Variants in ADAM11 observed in about 807,000 individuals in gnomAD.
ADAM11 encodes the protein ADAM metallopeptidase domain 11.
In ADAM11, 49 loss-of-function variants were observed where a neutral mutation model predicts 119.1. That is an observed-to-expected ratio of 0.41 (90% confidence interval 0.33 to 0.52). The LOEUF (loss-of-function observed/expected upper bound fraction) is 0.52. ADAM11 is among the 20% of genes least tolerant of loss of function. ADAM11 has a pLI of 0.20. For missense variants in ADAM11, 777 were observed against 1,047.5 expected (o/e 0.74, Z 3.56); for synonymous variants, 364 against 408.0 (o/e 0.89, Z 1.30).
At chr17:44,760,269 C>T (rs1380918663) in intron 2 of ADAM11, among the ~76,000 whole-genome samples, 1 of 152,202 alleles carries the variant, frequency 6.6e-6, no homozygotes, top group East Asian at 1.9e-4. Flanking sequence ...GCCCAGATTC[C>T]AGTCAGGGAT....
intron 26 of ADAM11, 195 bp downstream of exon 26, chr17:44,779,434 C>G: frequency 2.0e-6 from 2 of 985,418 alleles, no homozygotes; most frequent in Non-Finnish European, 2.4e-6. Context: ...CAGCTGCCCT[C>G]GCCCTCGCCC....
At chr17:44,760,844 T>C (rs912428239) in intron 2 of ADAM11, among the ~76,000 whole-genome samples, 2 of 151,778 alleles carry the variant, frequency 1.3e-5, no homozygotes, top group Non-Finnish European at 2.9e-5. Context: ...CCCTGCCTAA[T>C]GTACTTGGTT....
Position 44,775,787 on chromosome 17 carries a change from C to T in ADAM11, c.1485+111C>T, listed in dbSNP as rs2049593259. 3 of 1,142,728 alleles carry T rather than the reference C, an allele frequency of 2.6e-6. No homozygotes were observed. The highest frequency in any genetic ancestry group is 1.5e-5 in the African/African-American group (1 of 64,584). The allele number at this position is 1,142,728 out of a possible 1,614,324, so 70.8% of individuals were successfully genotyped here. The stretch of plus-strand genomic sequence containing the variant: ...AAGCGGAGCCTTCGGGGACGAAGGC[C>T]TCTGGGGCAGGGCTTGATGCGAAGA... On this transcript the variant is annotated intron_variant, in intron 17 of 26. Coordinates refer to ENST00000200557, the MANE Select transcript of ADAM11 (RefSeq NM_002390.6). This position sits in a 1 kb window ranked among gnomAD's most constrained non-coding sequence, Gnocchi z 7.5.
chr17:44,767,159 GC>G (rs2049460324), intron 2 of ADAM11, among the ~76,000 whole-genome samples: 1 of 152,018 alleles, frequency 6.6e-6, no homozygotes, highest in East Asian at 1.9e-4. Context: ...TTCAAGACAA[GC>G]CTGGCCAAGA....
intron 25 of ADAM11, 64 bp downstream of exon 25, chr17:44,778,306 T>C (rs1282285064): frequency 6.6e-7 from 1 of 1,503,862 alleles, no homozygotes; most frequent in African/African-American, 1.4e-5. Flanking sequence ...TCCCTACTGG[T>C]GGAGCTGAGG....
intron 2 of ADAM11, among the ~76,000 whole-genome samples, chr17:44,767,354 C>CA (rs72428475): frequency 0.24 from 13,341 of 55,640 alleles, 1,426 homozygotes; most frequent in African/African-American, 0.27. Flanking sequence ...GACTCCATCT[C>CA]AAAAAAAAAA....
chr17:44,774,216 G>T, intron 11 of ADAM11, 79 bp from the exon 12 acceptor site: 1 of 911,576 alleles, frequency 1.1e-6, no homozygotes, highest in Non-Finnish European at 1.6e-6. Context: ...TAGTGTGAGG[G>T]GCTCCCCAAG....
chr17:44,775,146 G>C lies in ADAM11; in HGVS notation c.1221-66G>C. 5.9e-6 allele frequency: 8 copies of C among 1,365,160 alleles called. No individual in the cohort carries two copies. Among genetic ancestry groups the C allele is most frequent in the Non-Finnish European group, 8.3e-6 (8 of 961,518 alleles). 84.6% of individuals were successfully genotyped at this position (1,365,160 alleles called of 1,614,324 possible). On this transcript the variant is annotated intron_variant, in intron 14 of 26. Coordinates refer to ENST00000200557, the MANE Select transcript of ADAM11 (RefSeq NM_002390.6). The surrounding 1 kb of genome is among the most constrained non-coding windows in gnomAD (Gnocchi z 7.5). Reference sequence around the variant, plus strand: ...AGTCCCCCAGTGTACCCCCTCCCCAGCCTTGAGAGGGGTGAGGGTGGGTTG... The same window carrying C: ...AGTCCCCCAGTGTACCCCCTCCCCACCCTTGAGAGGGGTGAGGGTGGGTTG...
At chr17:44,767,769 A>C (rs2049468447) in intron 2 of ADAM11, among the ~76,000 whole-genome samples, 1 of 152,200 alleles carries the variant, frequency 6.6e-6, no homozygotes, top group Non-Finnish European at 1.5e-5. Context: ...AGGTGGCAGG[A>C]GGTGGTGGAC....
chr17:44,774,329 G>A lies in ADAM11; in HGVS notation c.1027G>A (p.Ala343Thr). 1 of 1,477,584 alleles carries A rather than the reference G, an allele frequency of 6.8e-7. No homozygotes were observed. Among genetic ancestry groups the A allele is most frequent in the Non-Finnish European group, 9.0e-7 (1 of 1,109,720 alleles). 91.5% of individuals were successfully genotyped at this position (1,477,584 alleles called of 1,614,324 possible). Residue 343 changes from alanine to threonine, a missense_variant, in exon 12 of 27, where the codon GCC becomes ACC. Transcript: ENST00000200557. ...CTTCCAGAGCACGAGCAGCGGGGCAGCCTACGTGGGGGGCATATGCTCCCT... is the reference window on the plus strand; with the variant it reads ...CTTCCAGAGCACGAGCAGCGGGGCAACCTACGTGGGGGGCATATGCTCCCT... ...RTFQSTSSGA[A>T]YVGGICSLSH... is the part of the protein sequence containing the mutation.
Position 44,775,506 on chromosome 17 carries a change from G to T in ADAM11, c.1392+41G>T. 1 of 1,587,408 alleles carries T rather than the reference G, an allele frequency of 6.3e-7. No individual in the cohort carries two copies. The highest frequency in any genetic ancestry group is 8.5e-7 in the Non-Finnish European group (1 of 1,170,430). On this transcript the variant is annotated intron_variant, in intron 16 of 26. Transcript: ENST00000200557. The surrounding 1 kb of genome is among the most constrained non-coding windows in gnomAD (Gnocchi z 7.5). ...GGCGCCAGGTGGGGAACCGGGATGC[G>T]GGGGTGGGCACGAGGGAGCGTCTGA...
At chr17:44,771,910 TCCTCCTCCG>T in intron 6 of ADAM11, 79 bp downstream of exon 6, 2 of 1,492,002 alleles carry the variant, frequency 1.3e-6, no homozygotes, top group Non-Finnish European at 1.8e-6. Context: ...TGCCACCTCT[TCCTCCTCCG>T]GCTCCTCCCT....
In ADAM11 at chr17:44,773,496, C is replaced by T; in HGVS notation, c.992+69C>T. ...CTACAGTGCTTGGGATTACTTAACA[C>T]CTGCCCTGTGCTGGCTGCTCCTCTC... On this transcript the variant is annotated intron_variant, in intron 11 of 26. Transcript: ENST00000200557. The surrounding 1 kb of genome is among the most constrained non-coding windows in gnomAD (Gnocchi z 4.6). The T allele has an allele frequency of 6.4e-7, 1 of 1,551,716 alleles. No homozygotes were observed. Among genetic ancestry groups the T allele is most frequent in the Middle Eastern group, 1.7e-4 (1 of 5,864 alleles).
rs775665490 is a variant in ADAM11, at chr17:44,774,567, C to T, written c.1153C>T (p.His385Tyr). Residue 385 changes from histidine (H) to tyrosine (Y), a missense_variant, in exon 13 of 27, where the codon CAC (histidine) becomes TAC (tyrosine). Physicochemically the swap from His to Tyr is moderately conservative, Grantham distance 83. Around this residue, in one of 4 missense-constraint regions of ADAM11, gnomAD observed 147 missense variants for 223.3 expected, o/e 0.66. Transcript: ENST00000200557. The part of the protein sequence containing the change: ...GQNLGMMWNK[H>Y]RSSAGDCKCP... ...GAACCTGGGCATGATGTGGAACAAA[C>T]ACCGGAGCTCGGCAGGTATCCTCCC... The T allele has an allele frequency of 2.5e-6, 4 of 1,613,270 alleles. No homozygotes were observed. In the South Asian group the frequency reaches 3.3e-5, roughly 13 times the overall value.
chr17:44,759,314 G>T, intron 1 of ADAM11, 54 bp downstream of exon 1: 1 of 1,341,820 alleles, frequency 7.5e-7, no homozygotes, highest in Non-Finnish European at 9.5e-7. Flanking sequence ...GCCCCGGGAT[G>T]TGCGGCGCTT....
intron 2 of ADAM11, among the ~76,000 whole-genome samples, chr17:44,760,500 G>A (rs2049376802): frequency 6.6e-6 from 1 of 152,226 alleles, no homozygotes. Context: ...CCTCCCAGAG[G>A]AAGGTTAGGC....
At chr17:44,767,837 G>C (rs1358925314) in intron 2 of ADAM11, among the ~76,000 whole-genome samples, 1 of 152,270 alleles carries the variant, frequency 6.6e-6, no homozygotes, top group African/African-American at 2.4e-5. Context: ...TTTCCCCAGA[G>C]TGGGGACTGG....
chr17:44,779,586 A>G (rs970261771), intron 26 of ADAM11, 153 bp from the exon 27 acceptor site: 2 of 984,862 alleles, frequency 2.0e-6, no homozygotes, highest in African/African-American at 3.5e-5. Flanking sequence ...CTTCCATATC[A>G]CCACTGTCTG....
chr17:44,775,688 C>T lies in ADAM11; in HGVS notation c.1485+12C>T. 1 of 1,567,428 alleles carries T rather than the reference C, an allele frequency of 6.4e-7. No homozygotes were observed. The highest frequency in any genetic ancestry group is 8.6e-7 in the Non-Finnish European group (1 of 1,159,354). On this transcript the variant is annotated intron_variant, in intron 17 of 26. Coordinates refer to ENST00000200557, the MANE Select transcript of ADAM11 (RefSeq NM_002390.6). This position sits in a 1 kb window ranked among gnomAD's most constrained non-coding sequence, Gnocchi z 7.5. ...GTCGCCGCTGCAAGGTAAGCAGGAC[C>T]GGCCGGGAGGCGGGGCCAGGACGCA... is the stretch of plus-strand genomic sequence containing the variant.
Sources: allele counts gnomAD v4.1 joint callset (sites outside exome capture counted in the v4.1 genomes callset), GRCh38; gene constraint gnomAD v4.1.1; regional missense constraint gnomAD v4.1.1; non-coding constraint Gnocchi (gnomAD v3.1); transcripts MANE v1.5; gene names NCBI Gene and HGNC (gene_info 2026-07-23, HGNC 2026-07-21).